Variants in HECW2 observed in about 807,000 individuals in gnomAD.
HECW2 encodes the protein HECT, C2 and WW domain containing E3 ubiquitin protein ligase 2, also known as E3 ubiquitin-protein ligase HECW2.
In HECW2, 61 loss-of-function variants were observed where a neutral mutation model predicts 175.2. That is an observed-to-expected ratio of 0.35 (90% CI 0.28 to 0.43). HECW2 has a LOEUF of 0.43. HECW2 is among the 20% of genes least tolerant of loss of function. The pLI is 1.00. For missense variants in HECW2, 1,524 were observed against 2,000.5 expected (o/e 0.76, Z 4.54); for synonymous variants, 671 against 731.0 (o/e 0.92, Z 1.32).
intron 13 of HECW2, among the ~76,000 whole-genome samples, chr2:196,297,543 T>G (rs148179123): frequency 2.0e-4 from 30 of 152,318 alleles, no homozygotes; most frequent in African/African-American, 6.7e-4. Context: ...CAGGTTTTCC[T>G]TAGTGTTATG....
intron 27 of HECW2, 58 bp from the exon 28 acceptor site, chr2:196,216,035 G>A: frequency 8.3e-7 from 1 of 1,210,170 alleles, no homozygotes; most frequent in Middle Eastern, 1.9e-4. Context: ...AGCCAGGAAA[G>A]GCATCACGTC....
chr2:196,210,150 T>C (rs966227743), intron 28 of HECW2, among the ~76,000 whole-genome samples: 11 of 152,202 alleles, frequency 7.2e-5, no homozygotes, highest in African/African-American at 2.4e-4. Flanking sequence ...ACTTTGACAG[T>C]AGACAATGCT....
At chr2:196,262,657 C>T (rs562358086) in intron 17 of HECW2, among the ~76,000 whole-genome samples, 3 of 152,126 alleles carry the variant, frequency 2.0e-5, no homozygotes, top group East Asian at 3.9e-4. Flanking sequence ...CCTCTGCCTC[C>T]CGGGTTCAAG....
At position 196,363,568 on chromosome 2, in the gene HECW2, C is replaced by T. The variant is rs1407397057; in HGVS notation, c.293-19804G>A. On this transcript the variant is annotated intron_variant, in intron 2 of 28. Coordinates refer to ENST00000644978, the MANE Select transcript of HECW2 (RefSeq NM_001348768.2). ...AATCTAGGCCAGGAACCATGGCTCA[C>T]GCCTATAATCCAAGCACTTTGGGAG... is the stretch of plus-strand genomic sequence containing the variant. Among the ~76,000 whole-genome samples the T allele has an allele frequency of 3.9e-5, 6 of 152,166 alleles. No individual in the cohort carries two copies. In the East Asian group the frequency reaches 7.7e-4, roughly 20 times the overall value.
At chr2:196,216,239 A>G (rs1323494861) in intron 27 of HECW2, among the ~76,000 whole-genome samples, 1 of 152,242 alleles carries the variant, frequency 6.6e-6, no homozygotes, top group Non-Finnish European at 1.5e-5. Flanking sequence ...GCAGCTGACC[A>G]GCTCAGAAGC....
intron 2 of HECW2, among the ~76,000 whole-genome samples, chr2:196,430,544 G>A (rs545986841): frequency 1.3e-5 from 2 of 152,244 alleles, no homozygotes; most frequent in African/African-American, 4.8e-5. Flanking sequence ...ACAAAAATAT[G>A]ATCTGAATGA....
At chr2:196,537,168 G>C (rs1366288701) in intron 1 of HECW2, among the ~76,000 whole-genome samples, 1 of 152,036 alleles carries the variant, frequency 6.6e-6, no homozygotes, top group African/African-American at 2.4e-5. Context: ...AGTGAGCTTT[G>C]GTGGAAGAAC....
intron 2 of HECW2, among the ~76,000 whole-genome samples, chr2:196,423,037 T>C (rs1204044036): frequency 2.0e-5 from 3 of 152,188 alleles, no homozygotes. Context: ...CTGCTTCAAA[T>C]AAATGAATTT....
intron 19 of HECW2, among the ~76,000 whole-genome samples, chr2:196,248,631 CAGAG>C (rs1553636705): frequency 6.7e-6 from 1 of 148,386 alleles, no homozygotes; most frequent in African/African-American, 2.5e-5. Flanking sequence ...CACACACACA[CAGAG>C]AGAGACAGAG....
chr2:196,342,743 AT>A lies in HECW2; in HGVS notation c.400+913del, dbSNP rs1344097855. ...GACCTCAATGTCAGTGAGCCCGTCT[AT>A]TTCATCAACACTTTGAAAAGACTGG... is the stretch of plus-strand genomic sequence containing the variant. On this transcript the variant is annotated intron_variant, in intron 3 of 28. Transcript: ENST00000644978. Among the ~76,000 whole-genome samples the A allele has an allele frequency of 2.0e-5, 3 of 152,266 alleles. No individual in the cohort carries two copies. The East Asian group carries it at 5.8e-4, about 29-fold the overall frequency.
chr2:196,404,120 A>G (rs974484093), intron 2 of HECW2, among the ~76,000 whole-genome samples: 1 of 152,214 alleles, frequency 6.6e-6, no homozygotes, highest in African/African-American at 2.4e-5. Context: ...GTTTGAATCC[A>G]TACAATAAAG....
In HECW2 at chr2:196,268,145, C is replaced by T. The variant is rs374905060; in HGVS notation, c.3335+3048G>A. ...CTTAGATATACAAACTTCCCCTTTA[C>T]GATGTTATGATAAGCAAAATATTTA... On this transcript the variant is annotated intron_variant, in intron 17 of 28. Coordinates refer to ENST00000644978, the MANE Select transcript of HECW2 (RefSeq NM_001348768.2). Among the ~76,000 whole-genome samples the T allele has an allele frequency of 5.9e-5, 9 of 152,276 alleles. No homozygotes were observed. In the East Asian group the frequency reaches 7.7e-4, roughly 13 times the overall value.
chr2:196,424,943 T>C (rs994489432), intron 2 of HECW2, among the ~76,000 whole-genome samples: 1 of 151,914 alleles, frequency 6.6e-6, no homozygotes, highest in African/African-American at 2.4e-5. Flanking sequence ...AGGACTTCCA[T>C]AGCTAGAGGA....
At chr2:196,412,576 G>C (rs1380099866) in intron 2 of HECW2, among the ~76,000 whole-genome samples, 1 of 152,202 alleles carries the variant, frequency 6.6e-6, no homozygotes, top group African/African-American at 2.4e-5. Context: ...ACACCCTTTA[G>C]GGAATGTAAT....
chr2:196,328,152 C>T (rs1220489229), intron 5 of HECW2, among the ~76,000 whole-genome samples: 1 of 152,118 alleles, frequency 6.6e-6, no homozygotes, highest in African/African-American at 2.4e-5. Context: ...TCAGGGTCGA[C>T]AAATTGTTTC....
At chr2:196,362,938 T>C (rs925941534) in intron 2 of HECW2, among the ~76,000 whole-genome samples, 1 of 152,178 alleles carries the variant, frequency 6.6e-6, no homozygotes, top group Admixed American at 6.5e-5. Flanking sequence ...GTCAGGTACA[T>C]TTGCTGTGAA....
intron 22 of HECW2, among the ~76,000 whole-genome samples, chr2:196,227,868 A>G (rs916976274): frequency 2.0e-5 from 3 of 152,206 alleles, no homozygotes; most frequent in African/African-American, 4.8e-5. Context: ...CAACTCACTT[A>G]AATTGATCTT....
chr2:196,541,536 G>A (rs1360897453), intron 1 of HECW2, among the ~76,000 whole-genome samples: 4 of 152,092 alleles, frequency 2.6e-5, no homozygotes, highest in East Asian at 1.9e-4. Context: ...ATGAAAGCAC[G>A]GAGGAAGGCT....
At chr2:196,510,711 A>G (rs1687919106) in intron 1 of HECW2, among the ~76,000 whole-genome samples, 1 of 151,620 alleles carries the variant, frequency 6.6e-6, no homozygotes. Flanking sequence ...TTACTTAGCT[A>G]TCTTTTTATA....
Sources: gnomAD v4.1 joint callset for allele counts (sites outside exome capture counted in the v4.1 genomes callset) on GRCh38, gnomAD v4.1.1 for gene constraint, MANE v1.5 for transcripts, NCBI Gene and HGNC (gene_info 2026-07-23, HGNC 2026-07-21) for gene names.